SLC17A1: variants seen among roughly 807,000 people sequenced by gnomAD.
The protein encoded by SLC17A1 is solute carrier family 17 member 1.
In SLC17A1, 51 loss-of-function variants were observed where a neutral mutation model predicts 53.5. The ratio of observed to expected loss-of-function variants is 0.95; its 90% CI spans 0.76 to 1.20. SLC17A1 has a LOEUF of 1.20. SLC17A1 is among the 50% of genes most tolerant of loss of function. SLC17A1 has a pLI of 0.00. For synonymous variants in SLC17A1, 179 were observed against 198.8 expected, an observed-to-expected ratio of 0.90 and a Z score of 0.84; for missense variants, 538 against 568.2, an observed-to-expected ratio of 0.95 and a Z score of 0.54.
At chr6:25,791,329 T>C (rs1314544245) in intron 12 of SLC17A1, among the ~76,000 whole-genome samples, 1 of 152,180 alleles carries the variant, frequency 6.6e-6, no homozygotes, top group Non-Finnish European at 1.5e-5. Flanking sequence ...TTTTCAAAAG[T>C]GAAAATGATG....
the SLC17A1 span, among the ~76,000 whole-genome samples, chr6:25,748,786 A>G: frequency 6.6e-6 from 1 of 152,212 alleles, no homozygotes; most frequent in Non-Finnish European, 1.5e-5. Context: ...GTTCAAGGGA[A>G]GGCACTATGC....
At chr6:25,764,651 GC>G in the SLC17A1 span, among the ~76,000 whole-genome samples, 1 of 152,208 alleles carries the variant, frequency 6.6e-6, no homozygotes, top group Non-Finnish European at 1.5e-5. Flanking sequence ...TGGAGCTTCA[GC>G]TTGTGCTCCT....
chr6:25,777,269 A>T, the SLC17A1 span: 264,285 of 289,088 alleles, frequency 0.91, 121,147 homozygotes, highest in East Asian at 0.99. Context: ...ACTGAAAGAA[A>T]TCTTGAGATT....
the SLC17A1 span, among the ~76,000 whole-genome samples, chr6:25,755,441 A>G: frequency 6.6e-6 from 1 of 152,224 alleles, no homozygotes; most frequent in Non-Finnish European, 1.5e-5. Context: ...ACCACCTAAG[A>G]TGACATTTGA....
intron 10 of SLC17A1, among the ~76,000 whole-genome samples, chr6:25,809,068 T>TA (rs1454160957): frequency 6.6e-6 from 1 of 152,006 alleles, no homozygotes; most frequent in African/African-American, 2.4e-5. Context: ...TACTCTGCCA[T>TA]AAAAAAGAAT....
intron 12 of SLC17A1, among the ~76,000 whole-genome samples, chr6:25,794,199 A>T (rs1282133858): frequency 6.6e-6 from 1 of 152,144 alleles, no homozygotes; most frequent in Non-Finnish European, 1.5e-5. Flanking sequence ...CTTTCTCTAT[A>T]AACAGTGAAC....
the SLC17A1 span, among the ~76,000 whole-genome samples, chr6:25,752,584 T>A: frequency 6.6e-6 from 1 of 152,250 alleles, no homozygotes; most frequent in African/African-American, 2.4e-5. Context: ...CTTTATAAAC[T>A]TTTAAATGTT....
the SLC17A1 span, among the ~76,000 whole-genome samples, chr6:25,742,434 A>T: frequency 1.3e-4 from 20 of 150,658 alleles, no homozygotes; most frequent in Non-Finnish European, 2.9e-4. Flanking sequence ...TCAAGGAGGG[A>T]GGATGGCTTG....
chr6:25,731,441 A>G, the SLC17A1 span, among the ~76,000 whole-genome samples: 1 of 152,148 alleles, frequency 6.6e-6, no homozygotes, highest in Non-Finnish European at 1.5e-5. Context: ...GTCATCGTAG[A>G]GTGTTTGTAG....
chr6:25,812,981 A>G lies in SLC17A1; in HGVS notation c.747T>C (p.Ser249=), dbSNP rs771921085. The change falls in exon 8 of 13, where the codon AGT becomes AGC. Residue 249 remains serine (S), a synonymous_variant. Transcript: ENST00000244527. ...TSSLVQQVSS[S]RQSLPIKAIL... ...TAGCCTTGATAGGCAGAGATTGTCT[A>G]CTTGAACTGACCTGGAGAGAAATTC... The G allele has an allele frequency of 1.1e-5, 18 of 1,613,990 alleles. No individual in the cohort carries two copies. The South Asian group carries it at 1.5e-4, about 14-fold the overall frequency.
the SLC17A1 span, among the ~76,000 whole-genome samples, chr6:25,762,702 A>C: frequency 3.9e-5 from 6 of 152,214 alleles, no homozygotes; most frequent in African/African-American, 1.4e-4. Flanking sequence ...GTTAAGAATT[A>C]TGCATATCTT....
chr6:25,804,291 C>A (rs558547987), intron 10 of SLC17A1, among the ~76,000 whole-genome samples: 10 of 152,150 alleles, frequency 6.6e-5, no homozygotes, highest in Non-Finnish European at 1.5e-4. Flanking sequence ...TCCAGTGAAA[C>A]TTAAGTTTCA....
chr6:25,786,767 C>T (rs1411007480), intron 12 of SLC17A1, among the ~76,000 whole-genome samples: 1 of 152,104 alleles, frequency 6.6e-6, no homozygotes, highest in African/African-American at 2.4e-5. Context: ...CTCCTGGTCA[C>T]ACCTCAGGAG....
chr6:25,758,959 C>A, the SLC17A1 span, among the ~76,000 whole-genome samples: 22 of 151,926 alleles, frequency 1.4e-4, no homozygotes, highest in Non-Finnish European at 3.1e-4. Flanking sequence ...CTCTTAGCAC[C>A]GCTTTTGCTG....
chr6:25,779,117 GT>G (rs1158747843), downstream of SLC17A1: 1 of 1,613,806 alleles, frequency 6.2e-7, no homozygotes, highest in Non-Finnish European at 8.5e-7. Context: ...ATCGGGCCTG[GT>G]TTTCTACCTC....
chr6:25,754,103 C>G, the SLC17A1 span, among the ~76,000 whole-genome samples: 323 of 152,000 alleles, frequency 2.1e-3, 2 homozygotes, highest in Non-Finnish European at 3.3e-3. Flanking sequence ...ACTGGATTTG[C>G]TGGCAGAGAG....
the SLC17A1 span, among the ~76,000 whole-genome samples, chr6:25,737,459 C>T: frequency 1.3e-5 from 2 of 152,020 alleles, no homozygotes; most frequent in Non-Finnish European, 2.9e-5. Flanking sequence ...ACCCTAGCCT[C>T]CAAATTTTCG....
chr6:25,814,342 A>G (rs1581481721), intron 6 of SLC17A1, among the ~76,000 whole-genome samples: 3 of 152,336 alleles, frequency 2.0e-5, no homozygotes, highest in African/African-American at 7.2e-5. Flanking sequence ...GTGGACAAAA[A>G]AGAAAAAAAT....
At chr6:25,797,693 G>A (rs1460343007) in intron 12 of SLC17A1, among the ~76,000 whole-genome samples, 2 of 151,026 alleles carry the variant, frequency 1.3e-5, no homozygotes, top group African/African-American at 4.9e-5. Context: ...TCTGCCTCCT[G>A]AGTTCAAGAG....
Sources: allele counts gnomAD v4.1 joint callset (sites outside exome capture counted in the v4.1 genomes callset), GRCh38; gene constraint gnomAD v4.1.1; transcripts MANE v1.5; gene names NCBI Gene and HGNC (gene_info 2026-07-23, HGNC 2026-07-21).